Variants in SPECC1 observed in about 807,000 individuals in gnomAD.
The protein encoded by SPECC1 is cytospin-B.
SPECC1 carries 62 observed loss-of-function variants against 104.1 expected under a neutral mutation model. The observed-to-expected ratio is 0.60, with a 90% CI of 0.49 to 0.74. The LOEUF is 0.74. SPECC1 is among the 30% of genes least tolerant of loss of function. SPECC1 has a pLI of 0.00. For synonymous variants in SPECC1, 513 were observed against 501.6 expected (o/e 1.02, Z -0.30); for missense variants, 1,306 against 1,310.5 (o/e 1.00, Z 0.05).
intron 3 of SPECC1, among the ~76,000 whole-genome samples, chr17:20,128,168 C>T (rs1483424816): frequency 1.3e-5 from 2 of 152,180 alleles, no homozygotes; most frequent in Non-Finnish European, 2.9e-5. Flanking sequence ...CTGCCTTAAG[C>T]TTGAATGCTA....
intron 3 of SPECC1, among the ~76,000 whole-genome samples, chr17:20,121,370 TG>T (rs201335046): frequency 0.26 from 39,387 of 150,080 alleles, 6,881 homozygotes; most frequent in African/African-American, 0.51. Flanking sequence ...TTCTTTTTTT[TG>T]TTGTTGTTGT....
At chr17:20,199,383 GT>G (rs3077216) in intron 3 of SPECC1, among the ~76,000 whole-genome samples, 14,958 of 62,374 alleles carry the variant, frequency 0.24, 1,854 homozygotes, top group East Asian at 0.57. Flanking sequence ...CACCGTGCTG[GT>G]TTTTTTTTTT....
chr17:20,269,461 T>G (rs2040325487), intron 12 of SPECC1, among the ~76,000 whole-genome samples: 1 of 152,226 alleles, frequency 6.6e-6, no homozygotes, highest in African/African-American at 2.4e-5. Flanking sequence ...GTTTCAGTCT[T>G]GTTGCCCAGG....
chr17:20,118,119 A>T (rs1045314147), intron 3 of SPECC1, among the ~76,000 whole-genome samples: 3 of 151,656 alleles, frequency 2.0e-5, no homozygotes, highest in Non-Finnish European at 4.4e-5. Flanking sequence ...AATAAATAAT[A>T]AATAAATAAA....
chr17:20,214,497 A>G (rs959746349), intron 4 of SPECC1, among the ~76,000 whole-genome samples: 1 of 152,074 alleles, frequency 6.6e-6, no homozygotes, highest in Non-Finnish European at 1.5e-5. Flanking sequence ...GGCTGGAAAG[A>G]CATTCATTTT....
intron 1 of SPECC1, among the ~76,000 whole-genome samples, chr17:20,044,257 A>G (rs572939047): frequency 5.9e-5 from 9 of 152,158 alleles, no homozygotes; most frequent in South Asian, 2.1e-4. Flanking sequence ...CAGCATGCTA[A>G]AAAAAAGGCT....
At chr17:20,236,829 C>G in intron 7 of SPECC1, 1 of 1,613,780 alleles carries the variant, frequency 6.2e-7, no homozygotes, top group Non-Finnish European at 8.5e-7. Flanking sequence ...AACTCCTTTA[C>G]AGCCTCTCCC....
chr17:20,181,520 A>G (rs924551645), intron 3 of SPECC1, among the ~76,000 whole-genome samples: 1 of 152,164 alleles, frequency 6.6e-6, no homozygotes, highest in Non-Finnish European at 1.5e-5. Flanking sequence ...CCCTCAAAAT[A>G]TAAATTCACA....
chr17:20,118,266 A>G (rs2048862252), intron 3 of SPECC1, among the ~76,000 whole-genome samples: 1 of 152,198 alleles, frequency 6.6e-6, no homozygotes, highest in Non-Finnish European at 1.5e-5. Flanking sequence ...AGTTGGTAAT[A>G]TCTATCTAAA....
At chr17:20,104,801 G>A (rs1292536007) in intron 2 of SPECC1, among the ~76,000 whole-genome samples, 66 of 148,504 alleles carry the variant, frequency 4.4e-4, no homozygotes, top group Non-Finnish European at 7.4e-5. Context: ...TGAGGAGACT[G>A]AGCTACCAGA....
At chr17:20,047,239 A>G (rs1332765319) in intron 1 of SPECC1, among the ~76,000 whole-genome samples, 1 of 152,156 alleles carries the variant, frequency 6.6e-6, no homozygotes. Flanking sequence ...TGACATTCTA[A>G]CTTGGTAAAG....
Position 20,260,250 on chromosome 17 carries a change from A to G in SPECC1, c.2896A>G (p.Asn966Asp). 6.2e-7 allele frequency: 1 copy of G among 1,614,114 alleles called. No homozygotes were observed. The highest frequency in any genetic ancestry group is 8.5e-7 in the Non-Finnish European group (1 of 1,179,964). Residue 966 changes from asparagine (N) to aspartate (D), a missense_variant, in exon 12 of 15, where the codon AAT becomes GAT. By Grantham distance (23) the Asn-to-Asp change is conservative. This residue lies in a region of SPECC1 where 129 missense variants were observed against 170.6 expected (regional missense o/e 0.76). Coordinates refer to ENST00000395527, the MANE Select transcript of SPECC1 (RefSeq NM_001243439.2). ...LAREYGGSKR[N>D]ALLKWCQKKT... is the part of the protein sequence containing the mutation. ...CCGGGAATACGGTGGTTCCAAGCGCAATGCTCTACTGAAATGGTGCCAGAA... is the reference window on the plus strand; with the variant it reads ...CCGGGAATACGGTGGTTCCAAGCGCGATGCTCTACTGAAATGGTGCCAGAA...
chr17:20,088,120 C>G (rs989557708), intron 1 of SPECC1, among the ~76,000 whole-genome samples: 1 of 152,088 alleles, frequency 6.6e-6, no homozygotes, highest in African/African-American at 2.4e-5. Flanking sequence ...GGCCAGGAAG[C>G]CTAGGAGCTT....
intron 3 of SPECC1, among the ~76,000 whole-genome samples, chr17:20,191,052 G>A (rs1567920217): frequency 6.6e-6 from 1 of 152,136 alleles, no homozygotes; most frequent in Non-Finnish European, 1.5e-5. Context: ...CTTCAGTTAA[G>A]GTTCCTCCAT....
At chr17:20,095,977 C>G (rs1190416253) in intron 1 of SPECC1, 1 of 152,306 alleles carries the variant, frequency 6.6e-6, no homozygotes, top group Non-Finnish European at 1.5e-5. Flanking sequence ...TGGCCAGTCT[C>G]GGGCTGCCTT....
intron 10 of SPECC1, among the ~76,000 whole-genome samples, chr17:20,256,888 G>T (rs1024945282): frequency 2.0e-5 from 3 of 152,186 alleles, no homozygotes; most frequent in African/African-American, 7.2e-5. Flanking sequence ...GGAGGATTCA[G>T]TTCATTTCAT....
intron 4 of SPECC1, among the ~76,000 whole-genome samples, chr17:20,224,549 T>C (rs1346658708): frequency 1.3e-5 from 2 of 152,126 alleles, no homozygotes; most frequent in Non-Finnish European, 2.9e-5. Flanking sequence ...TGAGCTGGTA[T>C]CCAAGTTGGA....
intron 3 of SPECC1, among the ~76,000 whole-genome samples, chr17:20,178,647 A>C (rs1362635427): frequency 6.6e-6 from 1 of 152,208 alleles, no homozygotes; most frequent in Non-Finnish European, 1.5e-5. Flanking sequence ...GAACTGAATT[A>C]ATTTTCTGGA....
At chr17:20,104,311 T>A (rs1414725682) in intron 2 of SPECC1, among the ~76,000 whole-genome samples, 1 of 152,216 alleles carries the variant, frequency 6.6e-6, no homozygotes, top group Non-Finnish European at 1.5e-5. Flanking sequence ...TATTTTTGTA[T>A]TCTCTGCTGT....
Sources: allele counts gnomAD v4.1 joint callset (sites outside exome capture counted in the v4.1 genomes callset), GRCh38; gene constraint gnomAD v4.1.1; regional missense constraint gnomAD v4.1.1; transcripts MANE v1.5; gene names NCBI Gene and HGNC (gene_info 2026-07-23, HGNC 2026-07-21).